Variants in GAB1 observed in about 807,000 individuals in gnomAD.
GAB1 encodes GRB2-associated-binding protein 1.
In GAB1, 19 loss-of-function variants were observed where a neutral mutation model predicts 66.5. The ratio of observed to expected loss-of-function variants is 0.29; its 90% CI spans 0.20 to 0.42. The LOEUF is 0.42. GAB1 is among the 10% of genes least tolerant of loss of function. GAB1 has a pLI of 1.00. For missense variants in GAB1, 732 were observed against 858.5 expected, an observed-to-expected ratio of 0.85 and a Z score of 1.84; for synonymous variants, 294 against 301.4, an observed-to-expected ratio of 0.98 and a Z score of 0.25.
At chr4:143,344,127 C>T (rs1390836108) in intron 1 of GAB1, among the ~76,000 whole-genome samples, 1 of 152,166 alleles carries the variant, frequency 6.6e-6, no homozygotes, top group African/African-American at 2.4e-5. Flanking sequence ...GGAGCATGTT[C>T]TGGTGGGAGG....
chr4:143,436,080 A>C (rs538940310), intron 3 of GAB1, among the ~76,000 whole-genome samples: 6 of 152,376 alleles, frequency 3.9e-5, no homozygotes, highest in Non-Finnish European at 5.9e-5. Context: ...AAATTTTAGA[A>C]TATGCATAGG....
At chr4:143,468,162 C>CTATTT (rs915745392) in intron 9 of GAB1, among the ~76,000 whole-genome samples, 2 of 149,120 alleles carry the variant, frequency 1.3e-5, no homozygotes, top group African/African-American at 5.0e-5. Flanking sequence ...TCTGCTGTCC[C>CTATTT]TATTTTTTAT....
intron 8 of GAB1, among the ~76,000 whole-genome samples, chr4:143,463,615 T>TC (rs1182756779): frequency 1.8e-5 from 2 of 108,574 alleles, no homozygotes; most frequent in Admixed American, 2.1e-4. Flanking sequence ...AAAGCAAGAC[T>TC]CCATCTCAAA....
intron 1 of GAB1, among the ~76,000 whole-genome samples, chr4:143,365,136 C>T (rs1581231010): frequency 6.6e-6 from 1 of 152,008 alleles, no homozygotes. Context: ...CTCTGCCTCC[C>T]AAAGTGCTGA....
At chr4:143,386,821 G>A (rs1730939880) in intron 1 of GAB1, among the ~76,000 whole-genome samples, 1 of 152,230 alleles carries the variant, frequency 6.6e-6, no homozygotes, top group African/African-American at 2.4e-5. Flanking sequence ...GAAAGTGTCA[G>A]ATTTTAGAAG....
chr4:143,351,022 C>T lies in GAB1; in HGVS notation c.72+13762C>T, dbSNP rs140446279. On this transcript the variant is annotated intron_variant, in intron 1 of 9. Transcript: ENST00000262994. ...CAAACCTCTAGGGGAGCATACAGAC[C>T]GGCAGGCCGAGGGGCTCTGACCCCA... is the stretch of plus-strand genomic sequence containing the variant. Among the ~76,000 whole-genome samples the T allele has an allele frequency of 2.2e-3, 340 of 152,250 alleles. 2 individuals carry two copies. Among genetic ancestry groups the T allele is most frequent in the African/African-American group, 7.8e-3 (326 of 41,558 alleles).
intron 1 of GAB1, among the ~76,000 whole-genome samples, chr4:143,408,017 A>G (rs572941206): frequency 1.8e-4 from 28 of 152,284 alleles, no homozygotes; most frequent in Non-Finnish European, 3.1e-4. Context: ...AAATAAATTT[A>G]TTCCTCTATT....
chr4:143,427,365 G>T (rs1303874677), intron 2 of GAB1, among the ~76,000 whole-genome samples: 1 of 152,152 alleles, frequency 6.6e-6, no homozygotes, highest in African/African-American at 2.4e-5. Context: ...ATCATTTGAG[G>T]CTCCGGTTGC....
chr4:143,389,718 G>A (rs1171042899), intron 1 of GAB1, among the ~76,000 whole-genome samples: 1 of 152,200 alleles, frequency 6.6e-6, no homozygotes, highest in African/African-American at 2.4e-5. Flanking sequence ...GTGTCTAGCA[G>A]TGTACTCATC....
chr4:143,356,321 G>C (rs910507974), intron 1 of GAB1, among the ~76,000 whole-genome samples: 14 of 152,110 alleles, frequency 9.2e-5, no homozygotes, highest in Admixed American at 3.3e-4. Context: ...TCTATGCAAT[G>C]TGTAAATGCT....
intron 1 of GAB1, among the ~76,000 whole-genome samples, chr4:143,357,208 C>G (rs1356261670): frequency 6.6e-6 from 1 of 152,144 alleles, no homozygotes; most frequent in Non-Finnish European, 1.5e-5. Context: ...TCTGTAAACT[C>G]CTACCTAGTG....
chr4:143,386,056 C>T (rs1730890457), intron 1 of GAB1, among the ~76,000 whole-genome samples: 2 of 152,146 alleles, frequency 1.3e-5, no homozygotes, highest in African/African-American at 4.8e-5. Flanking sequence ...ATGGGAGGAT[C>T]AGTTTAGCCC....
intron 2 of GAB1, among the ~76,000 whole-genome samples, chr4:143,421,172 AT>A (rs1489874860): frequency 1.3e-5 from 2 of 152,134 alleles, no homozygotes; most frequent in African/African-American, 4.8e-5. Context: ...CTTAGGAACC[AT>A]TGAAACCATT....
At chr4:143,374,873 AC>A (rs1730344297) in intron 1 of GAB1, among the ~76,000 whole-genome samples, 1 of 152,146 alleles carries the variant, frequency 6.6e-6, no homozygotes, top group South Asian at 2.1e-4. Flanking sequence ...TTCCTTACTT[AC>A]CTCTGCTACA....
At chr4:143,343,554 A>G (rs1403453405) in intron 1 of GAB1, 4 of 154,848 alleles carry the variant, frequency 2.6e-5, no homozygotes, top group Admixed American at 2.0e-4. Flanking sequence ...AATGCAAGGA[A>G]GGAAAGGCCC....
intron 6 of GAB1, among the ~76,000 whole-genome samples, chr4:143,443,714 G>A (rs191809446): frequency 6.6e-5 from 10 of 152,154 alleles, no homozygotes; most frequent in African/African-American, 2.4e-4. Flanking sequence ...CATATAACTA[G>A]TTCATTGCCC....
chr4:143,446,084 A>T, intron 6 of GAB1, among the ~76,000 whole-genome samples: 1 of 151,852 alleles, frequency 6.6e-6, no homozygotes, highest in Non-Finnish European at 1.5e-5. Flanking sequence ...GAGAATGATG[A>T]TTTCCAATTT....
At chr4:143,356,729 A>G (rs528824565) in intron 1 of GAB1, among the ~76,000 whole-genome samples, 2 of 152,174 alleles carry the variant, frequency 1.3e-5, no homozygotes, top group Non-Finnish European at 2.9e-5. Context: ...AGCCTCATTA[A>G]CATATTTTGA....
intron 1 of GAB1, among the ~76,000 whole-genome samples, chr4:143,406,623 T>C (rs923153945): frequency 6.6e-6 from 1 of 152,228 alleles, no homozygotes. Flanking sequence ...TGACCTGAGC[T>C]CACTGACTCT....
Sources: allele counts gnomAD v4.1 joint callset (sites outside exome capture counted in the v4.1 genomes callset), GRCh38; gene constraint gnomAD v4.1.1; transcripts MANE v1.5; gene names NCBI Gene and HGNC (gene_info 2026-07-23, HGNC 2026-07-21).